Variants in SPEG observed in about 807,000 individuals in gnomAD.
SPEG encodes the protein striated muscle preferentially expressed protein kinase.
Under a neutral mutation model 300.4 loss-of-function variants are expected in SPEG, and 114 were observed. The observed-to-expected ratio is 0.38, with a 90% CI of 0.33 to 0.44. SPEG has a LOEUF of 0.44. Ranked by LOEUF, SPEG falls within the 20% of genes least tolerant of loss-of-function variation. SPEG has a pLI of 1.00. For synonymous variants in SPEG, 1,964 were observed against 2,018.9 expected (o/e 0.97, Z 0.73); for missense variants, 4,201 against 4,586.2 (o/e 0.92, Z 2.43).
At position 219,492,663 on chromosome 2, in the gene SPEG, C is replaced by T. The variant is rs772205372; in HGVS notation, c.9681C>T (p.Arg3227=). Reference sequence around the variant, plus strand: ...AGGACGCCTACCTGATGAAGCTGCGCCGCCAGACGCTCACCTTCACCACCA... The same window carrying T: ...AGGACGCCTACCTGATGAAGCTGCGTCGCCAGACGCTCACCTTCACCACCA... ...WLQDAYLMKL[R]RQTLTFTTNR... The change falls in exon 41 of 41, where the codon CGC becomes CGT. Residue 3227 remains arginine (R), a synonymous_variant. Transcript: ENST00000312358. 6.2e-6 allele frequency: 10 copies of T among 1,610,896 alleles called. No individual in the cohort carries two copies. The highest frequency in any genetic ancestry group is 2.2e-5 in the East Asian group (1 of 44,900).
In SPEG at chr2:219,451,322, G is replaced by C. The variant is rs1393992386; in HGVS notation, c.2257+43G>C. The C allele has an allele frequency of 6.4e-6, 10 of 1,562,398 alleles. No individual in the cohort carries two copies. The highest frequency in any genetic ancestry group is 2.3e-5 in the East Asian group (1 of 43,820). On this transcript the variant is annotated intron_variant, in intron 5 of 40. Transcript: ENST00000312358. The surrounding 1 kb of genome is among the most constrained non-coding windows in gnomAD (Gnocchi z 6.4). The stretch of plus-strand genomic sequence containing the variant: ...GCCAAGGTGCGGTCGAGGTTGGGAG[G>C]GGGTGTGTGAGAAGGGAAGGGGAGG...
At position 219,447,293 on chromosome 2, in the gene SPEG, G is replaced by A. The variant is rs964142563; in HGVS notation, c.816-681G>A. Among the ~76,000 whole-genome samples the A allele has an allele frequency of 4.6e-5, 7 of 152,220 alleles. 1 individual carries two copies. Among genetic ancestry groups the A allele is most frequent in the African/African-American group, 1.7e-4 (7 of 41,514 alleles). The stretch of plus-strand genomic sequence containing the variant: ...TTGCCAGGGGAAGCACAAGTCAAAG[G>A]CCTATCGGGGGGCAGACTGAGCAAG... On this transcript the variant is annotated intron_variant, in intron 3 of 40. Transcript: ENST00000312358.
Position 219,483,695 on chromosome 2 carries a change from G to A in SPEG, c.6232G>A (p.Gly2078Ser), listed in dbSNP as rs1321486898. 6.5e-7 allele frequency: 1 copy of A among 1,533,868 alleles called. No individual in the cohort carries two copies. Among genetic ancestry groups the A allele is most frequent in the Non-Finnish European group, 8.7e-7 (1 of 1,146,682 alleles). The change falls in exon 30 of 41, where the codon GGC becomes AGC. Residue 2078 changes from glycine (G) to serine (S), a missense_variant. Gly to Ser is a moderately conservative substitution (Grantham distance 56). Transcript: ENST00000312358. ...CCTGCGCCAGCGGCTGCTGCGGGGAGGCCCCGAGGATGGCAAGGTCAGCGG... is the reference window on the plus strand; with the variant it reads ...CCTGCGCCAGCGGCTGCTGCGGGGAAGCCCCGAGGATGGCAAGGTCAGCGG... ...QALRQRLLRG[G>S]PEDGKVSGLR...
chr2:219,447,923 AG>A lies in SPEG; in HGVS notation c.816-49del, dbSNP rs777191771. ...AATTCCTGTCACAAGCTAAGGGTCT[AG>A]GAGAGGAGGCCCCCTGAATCCTCTA... On this transcript the variant is annotated intron_variant, in intron 3 of 40. Coordinates refer to ENST00000312358, the MANE Select transcript of SPEG (RefSeq NM_005876.5). 4 of 1,550,626 alleles carry A rather than the reference AG, an allele frequency of 2.6e-6. No homozygotes were observed. The African/African-American group carries it at 5.4e-5, about 21-fold the overall frequency.
chr2:219,443,086 C>A lies in SPEG; in HGVS notation c.389-1567C>A. 6.2e-7 allele frequency: 1 copy of A among 1,610,458 alleles called. No homozygotes were observed. Among genetic ancestry groups the A allele is most frequent in the African/African-American group, 1.3e-5 (1 of 74,998 alleles). On this transcript the variant is annotated intron_variant, in intron 1 of 40. Transcript: ENST00000312358. This position sits in a 1 kb window ranked among gnomAD's most constrained non-coding sequence, Gnocchi z 4.6. Reference sequence around the variant, plus strand: ...GGAACAAGCCTCCCCCTCAACTACTCATTCTGGCTTTTCTCTTTCAGAAAA... The same window carrying A: ...GGAACAAGCCTCCCCCTCAACTACTAATTCTGGCTTTTCTCTTTCAGAAAA...
Position 219,445,281 on chromosome 2 carries a change from CTTCA to C in SPEG, c.815+121_815+124del, listed in dbSNP as rs1689196931. ...GCCCCATCCATCTCTCTGTGCATTT[CTTCA>C]CCCCCTGCTGCCACTCCATCTTCCC... On this transcript the variant is annotated intron_variant, in intron 3 of 40. Coordinates refer to ENST00000312358, the MANE Select transcript of SPEG (RefSeq NM_005876.5). The surrounding 1 kb of genome is among the most constrained non-coding windows in gnomAD (Gnocchi z 6.1). The C allele has an allele frequency of 5.1e-6, 5 of 971,796 alleles. No homozygotes were observed. The highest frequency in any genetic ancestry group is 7.9e-6 in the Non-Finnish European group (5 of 635,148). The allele number at this position is 971,796 out of a possible 1,614,324, so 60.2% of individuals were successfully genotyped here.
chr2:219,448,299 T>G lies in SPEG; in HGVS notation c.1141T>G (p.Ser381Ala). ...SRPQTPLSEA[S>A]GRLSALGRSP... ...ACCCCAGACGCCACTGAGCGAGGCC[T>G]CAGGCCGCCTGTCGGCGTTGGGCCG... Residue 381 changes from serine to alanine, a missense_variant, in exon 4 of 41, where the codon TCA becomes GCA. By Grantham distance (99) the Ser-to-Ala change is moderately conservative (BLOSUM62 1). Coordinates refer to ENST00000312358, the MANE Select transcript of SPEG (RefSeq NM_005876.5). 2 of 1,608,662 alleles carry G rather than the reference T, an allele frequency of 1.2e-6. No individual in the cohort carries two copies. The highest frequency in any genetic ancestry group is 1.7e-6 in the Non-Finnish European group (2 of 1,178,416).
intron 13 of SPEG, among the ~76,000 whole-genome samples, chr2:219,469,989 T>C (rs1480241029): frequency 6.6e-6 from 1 of 152,166 alleles, no homozygotes. Flanking sequence ...TACTTTCTTA[T>C]GGGAGCATCT....
chr2:219,448,752 G>A lies in SPEG; in HGVS notation c.1594G>A (p.Glu532Lys), dbSNP rs1182449852. The change falls in exon 4 of 41, where the codon GAG becomes AAG. Residue 532 changes from glutamate (E) to lysine (K), a missense_variant. By Grantham distance (56) the Glu-to-Lys change is moderately conservative. Around this residue, in one of 4 missense-constraint regions of SPEG, gnomAD observed 1,258 missense variants for 1,293.9 expected, o/e 0.97. Transcript: ENST00000312358. ...TGCCCCATCCCCTCGAGAGCCCGGC[G>A]AGCCCCCGCTCTTCTCTCGGCCCTC... ...QRAPSPREPG[E>K]PPLFSRPSTP... 1.6e-5 allele frequency: 24 copies of A among 1,469,736 alleles called. No individual in the cohort carries two copies. Among genetic ancestry groups the A allele is most frequent in the Non-Finnish European group, 2.1e-5 (23 of 1,117,206 alleles). The allele number at this position is 1,469,736 out of a possible 1,614,324, so 91.0% of individuals were successfully genotyped here.
intron 1 of SPEG, among the ~76,000 whole-genome samples, chr2:219,440,030 T>G (rs892867304): frequency 2.0e-5 from 3 of 152,194 alleles, no homozygotes; most frequent in African/African-American, 7.2e-5. Flanking sequence ...GCTTTGATGC[T>G]CTAGGAAACA....
intron 6 of SPEG, among the ~76,000 whole-genome samples, chr2:219,452,734 C>T (rs544573777): frequency 6.6e-6 from 1 of 152,194 alleles, no homozygotes; most frequent in Admixed American, 6.5e-5. Context: ...GGATTTTAGA[C>T]CGGCACGGGG....
chr2:219,446,082 G>A (rs916917432), intron 3 of SPEG, among the ~76,000 whole-genome samples: 2 of 151,806 alleles, frequency 1.3e-5, no homozygotes, highest in African/African-American at 4.8e-5. Flanking sequence ...CACCGTGCAG[G>A]AGAAAGAAGG....
intron 1 of SPEG, among the ~76,000 whole-genome samples, chr2:219,436,620 A>AG: frequency 6.6e-6 from 1 of 152,270 alleles, no homozygotes; most frequent in Admixed American, 6.5e-5. Flanking sequence ...AAGTCAGGAG[A>AG]GGGAGCCGGG....
At chr2:219,466,972 C>A in intron 9 of SPEG, 1 of 1,065,554 alleles carries the variant, frequency 9.4e-7, no homozygotes, top group Non-Finnish European at 1.2e-6. Context: ...CCCTCCCTGG[C>A]CCAGCTTGGA....
chr2:219,472,018 C>T (rs779807392), intron 14 of SPEG, 31 bp downstream of exon 14: 37 of 1,606,410 alleles, frequency 2.3e-5, no homozygotes, highest in African/African-American at 1.2e-4. Flanking sequence ...GTCAGCTGCA[C>T]GCACAGCCTG....
Position 219,443,374 on chromosome 2 carries a change from G to T in SPEG, c.389-1279G>T. The T allele has an allele frequency of 1.7e-6, 1 of 594,340 alleles. No homozygotes were observed. Among genetic ancestry groups the T allele is most frequent in the Non-Finnish European group, 3.0e-6 (1 of 327,984 alleles). 36.8% of individuals were successfully genotyped at this position (594,340 alleles called of 1,614,324 possible). ...CGGCTCACTAGCACACCCCTGCATGGACTGGGTGCCCTGTTCTCCATGTGA... is the reference window on the plus strand; with the variant it reads ...CGGCTCACTAGCACACCCCTGCATGTACTGGGTGCCCTGTTCTCCATGTGA... On this transcript the variant is annotated intron_variant, in intron 1 of 40. Transcript: ENST00000312358. This position sits in a 1 kb window ranked among gnomAD's most constrained non-coding sequence, Gnocchi z 4.6.
chr2:219,448,832 G>C lies in SPEG; in HGVS notation c.1674G>C (p.Pro558=). ...VSPAAAQPPS[P]SSAEKPGDEP... is the part of the protein sequence containing the mutation. Reference sequence around the variant, plus strand: ...CCGCCGCCGCCCAGCCGCCCTCTCCGAGCAGCGCGGAGAAGCCGGGGGACG... The same window carrying C: ...CCGCCGCCGCCCAGCCGCCCTCTCCCAGCAGCGCGGAGAAGCCGGGGGACG... Residue 558 remains proline, a synonymous_variant, in exon 4 of 41, where the codon CCG becomes CCC. Coordinates refer to ENST00000312358, the MANE Select transcript of SPEG (RefSeq NM_005876.5). 1 of 1,400,658 alleles carries C rather than the reference G, an allele frequency of 7.1e-7. No homozygotes were observed. The highest frequency in any genetic ancestry group is 3.0e-5 in the East Asian group (1 of 33,420). The allele number at this position is 1,400,658 out of a possible 1,614,324, so 86.8% of individuals were successfully genotyped here.
Position 219,484,932 on chromosome 2 carries a change from G to C in SPEG, c.7469G>C (p.Arg2490Pro). 1.3e-6 allele frequency: 2 copies of C among 1,528,704 alleles called. No homozygotes were observed. The highest frequency in any genetic ancestry group is 1.2e-5 in the South Asian group (1 of 83,722). The allele number at this position is 1,528,704 out of a possible 1,614,324, so 94.7% of individuals were successfully genotyped here. A position where few individuals can be genotyped will look rare whatever the true frequency, so the allele number is the denominator to read the frequency against. The change falls in exon 30 of 41, where the codon CGG becomes CCG. Residue 2490 changes from arginine to proline, a missense_variant. By Grantham distance (103) the Arg-to-Pro change is moderately radical. Around this residue, in one of 4 missense-constraint regions of SPEG, gnomAD observed 1,578 missense variants for 1,506.0 expected, o/e 1.05. Coordinates refer to ENST00000312358, the MANE Select transcript of SPEG (RefSeq NM_005876.5). ...ASGRSTPLFG[R>P]LRRATSEGES... ...GGCCGCAGCACGCCGCTGTTCGGACGGCTTCGCAGGGCCACGTCCGAGGGC... is the reference window on the plus strand; with the variant it reads ...GGCCGCAGCACGCCGCTGTTCGGACCGCTTCGCAGGGCCACGTCCGAGGGC...
rs1275629075 is a variant in SPEG, at chr2:219,477,547, C to A, written c.4729+102C>A. On this transcript the variant is annotated intron_variant, in intron 20 of 40. Transcript: ENST00000312358. This position sits in a 1 kb window ranked among gnomAD's most constrained non-coding sequence, Gnocchi z 6.4. ...AGCAGCCAGCCCTGGACTCGAGCCA[C>A]CACACCCCCAGCCCAGCACCCCGCC... 1.4e-6 allele frequency: 2 copies of A among 1,402,624 alleles called. No individual in the cohort carries two copies. Among genetic ancestry groups the A allele is most frequent in the Non-Finnish European group, 1.9e-6 (2 of 1,042,122 alleles). The allele number at this position is 1,402,624 out of a possible 1,614,324, so 86.9% of individuals were successfully genotyped here.
Sources: allele counts gnomAD v4.1 joint callset (sites outside exome capture counted in the v4.1 genomes callset), GRCh38; gene constraint gnomAD v4.1.1; regional missense constraint gnomAD v4.1.1; non-coding constraint Gnocchi (gnomAD v3.1); transcripts MANE v1.5; gene names NCBI Gene and HGNC (gene_info 2026-07-23, HGNC 2026-07-21).